ERC2: variants seen among roughly 807,000 people sequenced by gnomAD.
The protein encoded by ERC2 is ERC protein 2.
Under a neutral mutation model 114.8 loss-of-function variants are expected in ERC2, and 42 were observed. The observed-to-expected ratio is 0.37, with a 90% CI of 0.29 to 0.47. ERC2 has a LOEUF of 0.47. Ranked by LOEUF, ERC2 falls within the 20% of genes least tolerant of loss-of-function variation. The probability of loss-of-function intolerance (pLI) is 0.99; values close to 1 mark genes in which losing one functional copy is unlikely to be tolerated. For synonymous variants in ERC2, 454 were observed against 425.5 expected (o/e 1.07, Z -0.82); for missense variants, 939 against 1,150.7 (o/e 0.82, Z 2.66).
intron 14 of ERC2, among the ~76,000 whole-genome samples, chr3:55,883,922 CAA>C (rs780208285): frequency 0.014 from 2,095 of 151,820 alleles, 19 homozygotes; most frequent in Middle Eastern, 0.031. Context: ...ACAACAACAA[CAA>C]CAACACCACA....
At chr3:56,247,850 T>C (rs1192508896) in intron 3 of ERC2, among the ~76,000 whole-genome samples, 3 of 152,218 alleles carry the variant, frequency 2.0e-5, no homozygotes, top group South Asian at 4.1e-4. Flanking sequence ...CACTGATCTT[T>C]AGATTCTTCC....
chr3:55,805,076 A>T (rs748199550), intron 14 of ERC2, among the ~76,000 whole-genome samples: 7 of 152,042 alleles, frequency 4.6e-5, no homozygotes, highest in Non-Finnish European at 1.0e-4. Context: ...AGGTGAAGCA[A>T]TGGAGGAAGG....
At chr3:56,349,309 G>A (rs1001481505) in intron 2 of ERC2, among the ~76,000 whole-genome samples, 1 of 152,102 alleles carries the variant, frequency 6.6e-6, no homozygotes, top group African/African-American at 2.4e-5. Context: ...AAATGGAGAA[G>A]GCATCATTTG....
At chr3:56,028,346 G>A (rs1450635097) in intron 7 of ERC2, among the ~76,000 whole-genome samples, 1 of 151,952 alleles carries the variant, frequency 6.6e-6, no homozygotes, top group Non-Finnish European at 1.5e-5. Flanking sequence ...CCCTTTGGTG[G>A]GATTGTGATA....
At chr3:56,111,151 T>C (rs913599704) in intron 6 of ERC2, among the ~76,000 whole-genome samples, 2 of 152,152 alleles carry the variant, frequency 1.3e-5, no homozygotes, top group African/African-American at 2.4e-5. Context: ...GGCTGTGTTC[T>C]ATGAACTCAA....
At chr3:56,405,656 T>C (rs1452417422) in intron 2 of ERC2, among the ~76,000 whole-genome samples, 2 of 152,096 alleles carry the variant, frequency 1.3e-5, no homozygotes, top group African/African-American at 4.8e-5. Context: ...GATAGATAGA[T>C]AGACAGATAG....
chr3:56,350,626 A>C (rs1336309646), intron 2 of ERC2, among the ~76,000 whole-genome samples: 1 of 152,212 alleles, frequency 6.6e-6, no homozygotes, highest in Non-Finnish European at 1.5e-5. Context: ...TGCATTAAAG[A>C]AATGAAGAAG....
chr3:55,650,252 A>G (rs2060560339), intron 17 of ERC2, among the ~76,000 whole-genome samples: 1 of 152,168 alleles, frequency 6.6e-6, no homozygotes, highest in Non-Finnish European at 1.5e-5. Context: ...CCCTGCAAAA[A>G]GAGTCCTCGC....
At chr3:56,051,074 C>T (rs941828156) in intron 7 of ERC2, among the ~76,000 whole-genome samples, 1 of 152,164 alleles carries the variant, frequency 6.6e-6, no homozygotes, top group Non-Finnish European at 1.5e-5. Flanking sequence ...GTACTTTCTA[C>T]CCAACAGAAG....
chr3:55,552,317 C>T (rs905051331), intron 17 of ERC2, among the ~76,000 whole-genome samples: 5 of 152,296 alleles, frequency 3.3e-5, no homozygotes, highest in East Asian at 3.9e-4. Context: ...TCCAGCAAAG[C>T]GCTCTCTGTT....
intron 3 of ERC2, among the ~76,000 whole-genome samples, chr3:56,212,545 G>A (rs2049132462): frequency 6.6e-6 from 1 of 152,164 alleles, no homozygotes; most frequent in South Asian, 2.1e-4. Context: ...AAACAGTGTG[G>A]AGATTCCTTA....
At chr3:55,650,706 T>C (rs553764162) in intron 17 of ERC2, among the ~76,000 whole-genome samples, 1 of 152,274 alleles carries the variant, frequency 6.6e-6, no homozygotes, top group South Asian at 2.1e-4. Context: ...AATGAAGAAA[T>C]TCTCTTCCAG....
intron 17 of ERC2, among the ~76,000 whole-genome samples, chr3:55,655,792 C>T (rs148382889): frequency 5.4e-4 from 82 of 152,298 alleles, no homozygotes; most frequent in African/African-American, 1.9e-3. Context: ...GTGTGTTCAT[C>T]CCAGGATGCA....
chr3:56,376,955 G>A (rs1022890592), intron 2 of ERC2, among the ~76,000 whole-genome samples: 6 of 152,196 alleles, frequency 3.9e-5, no homozygotes, highest in South Asian at 2.1e-4. Flanking sequence ...AGCCAGATTC[G>A]GTTTTTCAAG....
intron 12 of ERC2, among the ~76,000 whole-genome samples, chr3:55,972,192 AC>A (rs1327613070): frequency 6.6e-6 from 1 of 152,156 alleles, no homozygotes; most frequent in Non-Finnish European, 1.5e-5. Context: ...TTATCATTAG[AC>A]CATTCAAAGT....
intron 6 of ERC2, among the ~76,000 whole-genome samples, chr3:56,096,363 G>A (rs9830675): frequency 1.3e-5 from 2 of 151,938 alleles, no homozygotes; most frequent in Admixed American, 1.3e-4. Flanking sequence ...TTGAGACAGG[G>A]TGAGTTCTTG....
chr3:56,041,230 A>G (rs1259877071), intron 7 of ERC2, among the ~76,000 whole-genome samples: 2 of 152,054 alleles, frequency 1.3e-5, no homozygotes, highest in Admixed American at 6.6e-5. Context: ...TTCTATGTAT[A>G]TCTTTTACCT....
chr3:56,269,690 C>T (rs2053536690), intron 3 of ERC2, among the ~76,000 whole-genome samples: 1 of 152,124 alleles, frequency 6.6e-6, no homozygotes, highest in Non-Finnish European at 1.5e-5. Flanking sequence ...GGCACCCACC[C>T]CTTCACAGGA....
At chr3:55,723,110 G>A (rs1314557159) in intron 15 of ERC2, among the ~76,000 whole-genome samples, 2 of 152,180 alleles carry the variant, frequency 1.3e-5, no homozygotes, top group African/African-American at 4.8e-5. Context: ...ACTGCAAAAT[G>A]ATGGAAATCA....
Sources: gnomAD v4.1 joint callset for allele counts (sites outside exome capture counted in the v4.1 genomes callset) on GRCh38, gnomAD v4.1.1 for gene constraint, MANE v1.5 for transcripts, NCBI Gene and HGNC (gene_info 2026-07-23, HGNC 2026-07-21) for gene names.